ACOXL: variants seen among roughly 807,000 people sequenced by gnomAD.
The protein encoded by ACOXL is acyl-coenzyme A oxidase-like protein.
In ACOXL, 70 loss-of-function variants were observed where a neutral mutation model predicts 71.9. The observed-to-expected ratio is 0.97, with a 90% CI of 0.80 to 1.19. ACOXL has a LOEUF of 1.19. Ranked by LOEUF, ACOXL falls within the 50% of genes most tolerant of loss-of-function variation. The pLI is 0.00. For synonymous variants in ACOXL, 253 were observed against 281.6 expected, an observed-to-expected ratio of 0.90 and a Z score of 1.02; for missense variants, 703 against 736.3, an observed-to-expected ratio of 0.95 and a Z score of 0.52.
intron 12 of ACOXL, among the ~76,000 whole-genome samples, chr2:110,942,923 GAGA>G (rs2060920999): frequency 8.0e-6 from 1 of 125,520 alleles, no homozygotes; most frequent in African/African-American, 2.9e-5. Flanking sequence ...GGGAAAGAAA[GAGA>G]AAGAAAGAAA....
intron 14 of ACOXL, among the ~76,000 whole-genome samples, chr2:111,028,589 C>T (rs956004659): frequency 6.6e-6 from 1 of 152,096 alleles, no homozygotes; most frequent in Admixed American, 6.6e-5. Context: ...GGGGAAAGCA[C>T]TCAGCCTTTA....
At chr2:110,934,908 C>G (rs2060604883) in intron 12 of ACOXL, among the ~76,000 whole-genome samples, 1 of 152,180 alleles carries the variant, frequency 6.6e-6, no homozygotes, top group Non-Finnish European at 1.5e-5. Context: ...TAGGGTGCAG[C>G]TGGCCAGGAG....
At chr2:110,776,989 T>A (rs1682733431) in intron 2 of ACOXL, among the ~76,000 whole-genome samples, 1 of 151,854 alleles carries the variant, frequency 6.6e-6, no homozygotes, top group African/African-American at 2.4e-5. Context: ...CAGACACTGA[T>A]ACATGGAAGT....
chr2:110,883,052 C>G (rs1261920506), intron 10 of ACOXL, among the ~76,000 whole-genome samples: 1 of 151,580 alleles, frequency 6.6e-6, no homozygotes, highest in Non-Finnish European at 1.5e-5. Flanking sequence ...TCCCATCCCT[C>G]CATTCACTCT....
At chr2:110,794,806 A>C (rs929831401) in intron 5 of ACOXL, among the ~76,000 whole-genome samples, 1 of 144,202 alleles carries the variant, frequency 6.9e-6, no homozygotes. Flanking sequence ...CTTCCTTTCC[A>C]TTCCCTTCTT....
chr2:110,880,153 C>CAAAAAAAAAAAAAAA (rs56852121), intron 10 of ACOXL, among the ~76,000 whole-genome samples: 58 of 84,508 alleles, frequency 6.9e-4, no homozygotes, highest in Non-Finnish European at 8.0e-4. Context: ...CTGTCACAAA[C>CAAAAAAAAAAAAAAA]AAAAAAAAAA....
chr2:111,058,352 G>A (rs545358114), intron 16 of ACOXL, among the ~76,000 whole-genome samples: 1 of 152,288 alleles, frequency 6.6e-6, no homozygotes, highest in East Asian at 1.9e-4. Context: ...GACATTAACA[G>A]AATTACCAGG....
chr2:111,073,457 A>G (rs2149938845), intron 16 of ACOXL, among the ~76,000 whole-genome samples: 1 of 152,260 alleles, frequency 6.6e-6, no homozygotes, highest in East Asian at 1.9e-4. Flanking sequence ...TTAGGTCAAG[A>G]TATGCTTATC....
rs564994123 is a variant in ACOXL, at chr2:110,953,288, C to T, written c.1059+19646C>T. On this transcript the variant is annotated intron_variant, in intron 12 of 17. Transcript: ENST00000439055. ...ATACACTAGTGGCTTTTTTTTTAGTCACAGTTCTTGTTGTTGTTATTATCA... is the reference window on the plus strand; with the variant it reads ...ATACACTAGTGGCTTTTTTTTTAGTTACAGTTCTTGTTGTTGTTATTATCA... Among the ~76,000 whole-genome samples the T allele has an allele frequency of 1.8e-3, 274 of 149,444 alleles. 3 individuals carry two copies. The highest frequency in any genetic ancestry group is 6.5e-3 in the African/African-American group (267 of 41,170).
At position 110,792,533 on chromosome 2, in the gene ACOXL, TA is replaced by T. The variant is rs1316790485; in HGVS notation, c.160-1115del. The stretch of plus-strand genomic sequence containing the variant: ...GGCTGGGCATGGTGGCTCATGCCTG[TA>T]ATCCCAGCACTTCAGGAGGCCAAGG... On this transcript the variant is annotated intron_variant, in intron 3 of 17. Coordinates refer to ENST00000439055, the MANE Select transcript of ACOXL (RefSeq NM_001142807.4). Among the ~76,000 whole-genome samples the T allele has an allele frequency of 2.6e-5, 4 of 152,292 alleles. No homozygotes were observed. In the South Asian group the frequency reaches 8.3e-4, roughly 32 times the overall value.
At chr2:111,053,209 G>C (rs1411351250) in intron 16 of ACOXL, among the ~76,000 whole-genome samples, 2 of 152,164 alleles carry the variant, frequency 1.3e-5, no homozygotes, top group Non-Finnish European at 2.9e-5. Flanking sequence ...GCTTGAGAAT[G>C]AACCAACCTG....
intron 1 of ACOXL, among the ~76,000 whole-genome samples, chr2:110,758,408 A>AT (rs1679974882): frequency 6.6e-6 from 1 of 151,922 alleles, no homozygotes; most frequent in Admixed American, 6.6e-5. Context: ...TTTTAAAATG[A>AT]TTTTTTCTAA....
At chr2:110,743,322 AG>A (rs1677775596) in intron 1 of ACOXL, among the ~76,000 whole-genome samples, 1 of 152,236 alleles carries the variant, frequency 6.6e-6, no homozygotes, top group African/African-American at 2.4e-5. Flanking sequence ...TTAAAAACAC[AG>A]GTGAAGTCTC....
intron 13 of ACOXL, among the ~76,000 whole-genome samples, chr2:110,988,207 A>G (rs1489211732): frequency 2.0e-5 from 3 of 152,146 alleles, no homozygotes; most frequent in African/African-American, 7.2e-5. Context: ...GGAGGCCAGG[A>G]CAGAAGGATT....
intron 16 of ACOXL, 22 bp from the exon 17 acceptor site, chr2:111,092,843 T>G (rs1166143790): frequency 2.5e-6 from 4 of 1,569,486 alleles, no homozygotes; most frequent in Non-Finnish European, 3.5e-6. Context: ...GTCCATTTCT[T>G]TTGTTTTCCC....
rs71383892 is a variant in ACOXL, at chr2:110,950,810, G to GGAGAGAGAGAGAGAGAGAGAGAGAGA, written c.1059+17193_1059+17194insAGAGAGAGAGAGAGAGAGAGAGAGAG. Reference sequence around the variant, plus strand: ...ATCTTAAGGAGGAAGGGTGGGGGGTGGAGAGAGAGAGAGAGAGAGAGAGAG... The same window carrying GGAGAGAGAGAGAGAGAGAGAGAGAGA: ...ATCTTAAGGAGGAAGGGTGGGGGGTGGAGAGAGAGAGAGAGAGAGAGAGAGAGAGAGAGAGAGAGAGAGAGAGAGAG... On this transcript the variant is annotated intron_variant, in intron 12 of 17. Transcript: ENST00000439055. 1.6e-4 allele frequency among the ~76,000 whole-genome samples: 23 copies of GGAGAGAGAGAGAGAGAGAGAGAGAGA among 142,880 alleles called. 2 individuals carry two copies. In the East Asian group the frequency reaches 4.0e-3, roughly 25 times the overall value. 93.7% of individuals were successfully genotyped at this position (142,880 alleles called of 152,430 possible). A position where few individuals can be genotyped will look rare whatever the true frequency, so the allele number is the denominator to read the frequency against.
chr2:111,070,462 C>G (rs962519114), intron 16 of ACOXL, among the ~76,000 whole-genome samples: 2 of 152,078 alleles, frequency 1.3e-5, no homozygotes, highest in African/African-American at 2.4e-5. Context: ...CACATGGACA[C>G]ATAGAGAGGA....
intron 12 of ACOXL, among the ~76,000 whole-genome samples, chr2:110,960,211 T>C (rs1312329013): frequency 6.6e-6 from 1 of 152,180 alleles, no homozygotes; most frequent in Admixed American, 6.5e-5. Context: ...GCAGCCGGTG[T>C]GGCCAGAATG....
Position 110,977,434 on chromosome 2 carries a change from TG to T in ACOXL, c.1060-9673del, listed in dbSNP as rs201879730. On this transcript the variant is annotated intron_variant, in intron 12 of 17. Coordinates refer to ENST00000439055, the MANE Select transcript of ACOXL (RefSeq NM_001142807.4). ...AAACTTCTCTCCTTTTGATATAAAA[TG>T]TCAGGGAGGGAAGAAAAGGAATGAA... Among the ~76,000 whole-genome samples the T allele has an allele frequency of 1.3e-3, 197 of 150,658 alleles. 7 individuals are homozygous for T. In the East Asian group the frequency reaches 0.037, roughly 29 times the overall value.
Sources: gnomAD v4.1 joint callset for allele counts (sites outside exome capture counted in the v4.1 genomes callset) on GRCh38, gnomAD v4.1.1 for gene constraint, MANE v1.5 for transcripts, NCBI Gene and HGNC (gene_info 2026-07-23, HGNC 2026-07-21) for gene names.